Variants in DRC1 observed in about 807,000 individuals in gnomAD.
DRC1 encodes the protein dynein regulatory complex protein 1.
Under a neutral mutation model 98.7 loss-of-function variants are expected in DRC1, and 74 were observed. The observed-to-expected ratio is 0.75, with a 90% confidence interval of 0.62 to 0.91. The LOEUF (loss-of-function observed/expected upper bound fraction) is 0.91, where lower values mean the gene tolerates loss of function less well. Ranked by LOEUF, DRC1 falls within the 40% of genes least tolerant of loss-of-function variation. The pLI is 0.00. For synonymous variants in DRC1, 336 were observed against 334.1 expected, an observed-to-expected ratio of 1.01 and a Z score of -0.06; for missense variants, 875 against 886.0, an observed-to-expected ratio of 0.99 and a Z score of 0.16.
rs1664054630 is a variant in DRC1, at chr2:26,453,327, C to T, written c.1697C>T (p.Pro566Leu). The T allele has an allele frequency of 6.2e-7, 1 of 1,613,996 alleles. No individual in the cohort carries two copies. The stretch of plus-strand genomic sequence containing the variant: ...CCGTGCATCTTTCTCCAGATCAAGC[C>T]CTGCAGTCAGGCGAGCATGGAGAAG... Reference protein sequence around the residue: ...HRLSSSLQIKPCSQASMEKAS... With the variant: ...HRLSSSLQIKLCSQASMEKAS... The change falls in exon 14 of 17, where the codon CCC (proline) becomes CTC (leucine). Residue 566 changes from proline to leucine, a missense_variant. By Grantham distance (98) the Pro-to-Leu change is moderately conservative. Transcript: ENST00000288710.
chr2:26,421,555 C>T (rs1164391025), intron 3 of DRC1, among the ~76,000 whole-genome samples, 155 bp downstream of exon 3: 2 of 134,430 alleles, frequency 1.5e-5, no homozygotes, highest in African/African-American at 5.5e-5. Context: ...TTCTTTCTCT[C>T]TCTTTTTTTT....
chr2:26,453,929 C>T (rs1664074595), intron 14 of DRC1, among the ~76,000 whole-genome samples: 1 of 152,174 alleles, frequency 6.6e-6, no homozygotes, highest in African/African-American at 2.4e-5. Context: ...GGAAATGGCA[C>T]TGGAACTAGG....
chr2:26,431,847 G>A, intron 6 of DRC1, 37 bp from the exon 7 acceptor site: 2 of 1,611,100 alleles, frequency 1.2e-6, no homozygotes. Flanking sequence ...GGGCAAGGAT[G>A]GTCCCTAACT....
chr2:26,433,032 T>C (rs1663475546), intron 7 of DRC1, among the ~76,000 whole-genome samples: 1 of 152,218 alleles, frequency 6.6e-6, no homozygotes, highest in Non-Finnish European at 1.5e-5. Context: ...TGTCTAATAT[T>C]CAGAAGGGCG....
chr2:26,440,467 AGAT>A lies in DRC1; in HGVS notation c.981_983del (p.Asp327del), dbSNP rs768618994. The A allele has an allele frequency of 1.9e-6, 3 of 1,613,560 alleles. No individual in the cohort carries two copies. Among genetic ancestry groups the A allele is most frequent in the Non-Finnish European group, 2.5e-6 (3 of 1,179,766 alleles). ...ACAACTTGCAGGTGCTGAAGAAGAG[AGAT>A]GAAGAAAGCACAGTAATTAAATCCC... On this transcript the variant is annotated inframe_deletion, in exon 8 of 17. Coordinates refer to ENST00000288710, the MANE Select transcript of DRC1 (RefSeq NM_145038.5).
chr2:26,423,138 G>T (rs145944655), intron 3 of DRC1, among the ~76,000 whole-genome samples: 3 of 152,228 alleles, frequency 2.0e-5, no homozygotes, highest in African/African-American at 7.2e-5. Context: ...TTCCCAGCAG[G>T]GTCAGCTTGT....
intron 1 of DRC1, among the ~76,000 whole-genome samples, chr2:26,408,625 TAGC>T (rs1380992540): frequency 6.6e-6 from 1 of 151,870 alleles, no homozygotes; most frequent in Non-Finnish European, 1.5e-5. Context: ...ATATGAAAAT[TAGC>T]GGCGTGGTGG....
intron 6 of DRC1, 80 bp downstream of exon 6, chr2:26,430,952 T>G (rs1663420028): frequency 2.6e-6 from 3 of 1,154,794 alleles, no homozygotes; most frequent in Non-Finnish European, 3.6e-6. Context: ...GCTAGCCTTT[T>G]TCTATCTTTT....
chr2:26,408,771 AAAAATAAAAT>A (rs1157741828), intron 1 of DRC1, among the ~76,000 whole-genome samples: 2 of 152,212 alleles, frequency 1.3e-5, no homozygotes, highest in Non-Finnish European at 2.9e-5. Context: ...ACTCTGTCTC[AAAAATAAAAT>A]AAAATAAAAT....
At chr2:26,403,081 A>T (rs1479541767) in intron 1 of DRC1, among the ~76,000 whole-genome samples, 3 of 152,220 alleles carry the variant, frequency 2.0e-5, no homozygotes, top group South Asian at 2.1e-4. Flanking sequence ...TATACTGTTC[A>T]TGTATCACAA....
intron 12 of DRC1, 61 bp from the exon 13 acceptor site, chr2:26,450,531 C>A: frequency 6.8e-7 from 1 of 1,469,550 alleles, no homozygotes; most frequent in Admixed American, 1.9e-5. Flanking sequence ...CATCTGTCAG[C>A]TGCCCAAGCC....
intron 1 of DRC1, among the ~76,000 whole-genome samples, chr2:26,413,080 C>A (rs1274484388): frequency 6.6e-6 from 1 of 152,244 alleles, no homozygotes; most frequent in Admixed American, 6.5e-5. Context: ...TCGCGCCCAG[C>A]CAAGCCTGTT....
chr2:26,439,768 G>A (rs1663662388), intron 7 of DRC1, among the ~76,000 whole-genome samples: 1 of 151,198 alleles, frequency 6.6e-6, no homozygotes, highest in Non-Finnish European at 1.5e-5. Flanking sequence ...TTAGCTTATA[G>A]TTCATTGACT....
In DRC1 at chr2:26,401,963, G is replaced by A. The variant is rs747151679; in HGVS notation, c.-27G>A. On this transcript the variant is annotated 5_prime_UTR_variant, in exon 1 of 17. Coordinates refer to ENST00000288710, the MANE Select transcript of DRC1 (RefSeq NM_145038.5). Reference sequence around the variant, plus strand: ...GAGGTCTGGAGGTGGTGCGGAGGGAGCCGCCTAGGGACCAGGGACTCCTGC... The same window carrying A: ...GAGGTCTGGAGGTGGTGCGGAGGGAACCGCCTAGGGACCAGGGACTCCTGC... 6.4e-7 allele frequency: 1 copy of A among 1,573,560 alleles called. No homozygotes were observed.
chr2:26,424,471 C>T lies in DRC1; in HGVS notation c.540+17C>T, dbSNP rs1450670928. The T allele has an allele frequency of 1.3e-6, 2 of 1,591,262 alleles. No homozygotes were observed. Among genetic ancestry groups the T allele is most frequent in the East Asian group, 2.3e-5 (1 of 44,340 alleles). ...TTACAGCAGGCAAGAGGCCCGGGCC[C>T]TCCAGCCCAGCCACAGGGGATCTGC... On this transcript the variant is annotated intron_variant, in intron 4 of 16. Transcript: ENST00000288710.
chr2:26,433,410 A>G (rs1056967879), intron 7 of DRC1, among the ~76,000 whole-genome samples: 4 of 152,322 alleles, frequency 2.6e-5, no homozygotes, highest in Middle Eastern at 3.4e-3. Flanking sequence ...ACCAGTCTTG[A>G]GAATTTTCCC....
At chr2:26,416,550 A>G (rs560160254) in intron 2 of DRC1, among the ~76,000 whole-genome samples, 1 of 152,086 alleles carries the variant, frequency 6.6e-6, no homozygotes, top group Non-Finnish European at 1.5e-5. Flanking sequence ...TAATTCTATC[A>G]TTTACATTTT....
chr2:26,418,241 G>C (rs1678879314), intron 2 of DRC1, among the ~76,000 whole-genome samples: 1 of 151,848 alleles, frequency 6.6e-6, no homozygotes, highest in Non-Finnish European at 1.5e-5. Context: ...AGTCTGTCCT[G>C]CTCAGGGCAG....
At chr2:26,439,440 A>C (rs1663656235) in intron 7 of DRC1, among the ~76,000 whole-genome samples, 1 of 152,134 alleles carries the variant, frequency 6.6e-6, no homozygotes, top group Non-Finnish European at 1.5e-5. Flanking sequence ...GTGTTTTCCC[A>C]ACAGCACCTT....
Sources: gnomAD v4.1 joint callset for allele counts (sites outside exome capture counted in the v4.1 genomes callset) on GRCh38, gnomAD v4.1.1 for gene constraint, MANE v1.5 for transcripts, NCBI Gene and HGNC (gene_info 2026-07-23, HGNC 2026-07-21) for gene names.